SLC9A2: variants seen among roughly 807,000 people sequenced by gnomAD.
The protein encoded by SLC9A2 is solute carrier family 9 member A2.
In SLC9A2, 42 loss-of-function variants were observed where a neutral mutation model predicts 71.7. That is an observed-to-expected ratio of 0.59 (90% CI 0.46 to 0.76). The LOEUF (loss-of-function observed/expected upper bound fraction) is 0.76. Among genes scored for constraint, SLC9A2 ranks in the 30% least tolerant of loss-of-function variants. SLC9A2 has a pLI of 0.00. For missense variants in SLC9A2, 829 were observed against 1,017.4 expected, an observed-to-expected ratio of 0.81 and a Z score of 2.52; for synonymous variants, 396 against 392.5, an observed-to-expected ratio of 1.01 and a Z score of -0.10.
chr2:102,693,582 CG>C (rs1453092680), intron 5 of SLC9A2, among the ~76,000 whole-genome samples: 1 of 152,142 alleles, frequency 6.6e-6, no homozygotes, highest in African/African-American at 2.4e-5. Context: ...CCAGACTGGC[CG>C]CAAGCCCCCT....
intron 5 of SLC9A2, 34 bp downstream of exon 5, chr2:102,684,370 A>C: frequency 6.4e-7 from 1 of 1,573,442 alleles, no homozygotes. Context: ...AGGAGGGTAA[A>C]AAATATCGTT....
At chr2:102,664,726 T>C (rs1677102617) in intron 2 of SLC9A2, among the ~76,000 whole-genome samples, 1 of 152,164 alleles carries the variant, frequency 6.6e-6, no homozygotes, top group Non-Finnish European at 1.5e-5. Context: ...CTCACTGTCA[T>C]ATTACTTACC....
rs1375020051 is a variant in SLC9A2 at position 102,705,937 on chromosome 2, G to A, written c.2068+1G>A. The A allele has an allele frequency of 1.9e-6, 3 of 1,561,082 alleles. No homozygotes were observed. The highest frequency in any genetic ancestry group is 2.6e-6 in the Non-Finnish European group (3 of 1,144,016). On this transcript the variant is annotated splice_donor_variant, in intron 11 of 11. Transcript: ENST00000233969. LOFTEE classifies it high-confidence loss of function. ...AAGAGGAGGACTATTTCTATTGCAGGTAGTGAATATAGTTGGAGCAGAAAA... is the reference window on the plus strand; with the variant it reads ...AAGAGGAGGACTATTTCTATTGCAGATAGTGAATATAGTTGGAGCAGAAAA...
chr2:102,620,613 G>C (rs1676116283), intron 1 of SLC9A2, among the ~76,000 whole-genome samples: 1 of 152,342 alleles, frequency 6.6e-6, no homozygotes, highest in South Asian at 2.1e-4. Context: ...AAGGGGACCA[G>C]GGACACCTGA....
At chr2:102,632,037 TACATACACACACACATATATATAC>T (rs1676369048) in intron 1 of SLC9A2, among the ~76,000 whole-genome samples, 1 of 60,828 alleles carries the variant, frequency 1.6e-5, no homozygotes, top group African/African-American at 6.4e-5. Flanking sequence ...TATATATATA[TACATACACACACACATATATATAC>T]ACACACATAT....
intron 1 of SLC9A2, among the ~76,000 whole-genome samples, chr2:102,646,095 A>G (rs1676718633): frequency 6.6e-6 from 1 of 152,252 alleles, no homozygotes; most frequent in Admixed American, 6.5e-5. Flanking sequence ...TCAGACTAAC[A>G]GTAGATCTCC....
chr2:102,640,867 T>A (rs555913332), intron 1 of SLC9A2, among the ~76,000 whole-genome samples: 5 of 152,256 alleles, frequency 3.3e-5, no homozygotes, highest in African/African-American at 1.2e-4. Flanking sequence ...CCACCAGTCA[T>A]CTCATTAGCA....
intron 3 of SLC9A2, among the ~76,000 whole-genome samples, chr2:102,671,896 A>T (rs192905778): frequency 4.6e-5 from 7 of 152,156 alleles, no homozygotes; most frequent in Non-Finnish European, 7.3e-5. Flanking sequence ...ACTTGAGGTC[A>T]GGAGTTTGAG....
chr2:102,679,382 AT>A (rs201712202), intron 3 of SLC9A2, among the ~76,000 whole-genome samples: 37,028 of 144,280 alleles, frequency 0.26, 4,902 homozygotes, highest in South Asian at 0.37. Context: ...ATATATATAT[AT>A]AATTTTTTTT....
intron 3 of SLC9A2, among the ~76,000 whole-genome samples, chr2:102,665,699 G>A (rs1006529381): frequency 2.0e-5 from 3 of 148,936 alleles, no homozygotes; most frequent in Admixed American, 6.8e-5. Context: ...GCATGAACCC[G>A]GGAGGCGGAG....
At chr2:102,677,430 CT>C (rs1236182802) in intron 3 of SLC9A2, among the ~76,000 whole-genome samples, 3 of 152,130 alleles carry the variant, frequency 2.0e-5, no homozygotes, top group African/African-American at 7.2e-5. Context: ...AGTGCTCTCC[CT>C]TCTCTGTCTC....
rs549217279 is a variant in SLC9A2, at chr2:102,672,706, C to T, written c.1004+7356C>T. Among the ~76,000 whole-genome samples, 44 of 152,176 alleles carry T rather than the reference C, an allele frequency of 2.9e-4. No homozygotes were observed. The South Asian group carries it at 8.9e-3, about 31-fold the overall frequency. On this transcript the variant is annotated intron_variant, in intron 3 of 11. Transcript: ENST00000233969. ...TTCGGGGGTTTTATATAAATATCCT[C>T]AAAATCTAAAGTGGGAGGGAAAGTT... is the stretch of plus-strand genomic sequence containing the variant.
Position 102,705,843 on chromosome 2 carries a change from C to T in SLC9A2, c.1978-3C>T, listed in dbSNP as rs756283872. The stretch of plus-strand genomic sequence containing the variant: ...TAAGTAAGATTTTATATTTCTTTTA[C>T]AGGCTTCCACTTCAACCTCCCGATA... On this transcript the variant is annotated splice_polypyrimidine_tract_variant and splice_region_variant and intron_variant, in intron 10 of 11. Coordinates refer to ENST00000233969, the MANE Select transcript of SLC9A2 (RefSeq NM_003048.6). 6.4e-7 allele frequency: 1 copy of T among 1,562,078 alleles called. No homozygotes were observed. The highest frequency in any genetic ancestry group is 1.9e-5 in the Admixed American group (1 of 54,020).
chr2:102,625,210 T>A (rs1231839123), intron 1 of SLC9A2, among the ~76,000 whole-genome samples: 1 of 152,224 alleles, frequency 6.6e-6, no homozygotes, highest in Admixed American at 6.5e-5. Context: ...GAAGGATGAC[T>A]TCAACAGCTT....
intron 1 of SLC9A2, among the ~76,000 whole-genome samples, chr2:102,656,622 C>T (rs543406786): frequency 6.6e-6 from 1 of 152,322 alleles, no homozygotes; most frequent in East Asian, 1.9e-4. Flanking sequence ...TCTGAAGGAG[C>T]AAACGTCTCA....
At chr2:102,631,393 A>C (rs1186562058) in intron 1 of SLC9A2, among the ~76,000 whole-genome samples, 1 of 151,926 alleles carries the variant, frequency 6.6e-6, no homozygotes, top group African/African-American at 2.4e-5. Context: ...CTGAAGTCAA[A>C]TGTCTCATCC....
At chr2:102,668,549 A>G (rs1677186765) in intron 3 of SLC9A2, among the ~76,000 whole-genome samples, 1 of 152,236 alleles carries the variant, frequency 6.6e-6, no homozygotes, top group Admixed American at 6.5e-5. Flanking sequence ...TGTACTAATT[A>G]CGCTCTCTCT....
rs894966235 is a variant in SLC9A2 at position 102,683,402 on chromosome 2, C to A, written c.1146C>A (p.Thr382=). 3.1e-6 allele frequency: 5 copies of A among 1,614,160 alleles called. No homozygotes were observed. In the South Asian group the frequency reaches 4.4e-5, roughly 14 times the overall value. ...TLIFIFMGVS[T]VGKNHEWNWA... ...TCTTCATCTTCATGGGTGTGTCTAC[C>A]GTGGGCAAGAACCACGAGTGGAACT... The change falls in exon 4 of 12, where the codon ACC becomes ACA. Residue 382 remains threonine, a synonymous_variant. Transcript: ENST00000233969.
At chr2:102,646,580 C>A (rs1477678537) in intron 1 of SLC9A2, among the ~76,000 whole-genome samples, 1 of 151,848 alleles carries the variant, frequency 6.6e-6, no homozygotes, top group Non-Finnish European at 1.5e-5. Context: ...AAGACACACA[C>A]AGGCTCAAAA....
Sources: gnomAD v4.1 joint callset for allele counts (sites outside exome capture counted in the v4.1 genomes callset) on GRCh38, gnomAD v4.1.1 for gene constraint, MANE v1.5 for transcripts, NCBI Gene and HGNC (gene_info 2026-07-23, HGNC 2026-07-21) for gene names.